The following CRLF1 variants were observed in gnomAD, a reference collection of about 807,000 sequenced individuals.
The protein encoded by CRLF1 is cytokine receptor like factor 1, also known as cytokine receptor-like factor 1.
In CRLF1, 36 loss-of-function variants were observed where a neutral mutation model predicts 48.9. The observed-to-expected ratio is 0.74, with a 90% CI of 0.56 to 0.97. The LOEUF is 0.97. Ranked by LOEUF, CRLF1 falls within the 50% of genes least tolerant of loss-of-function variation. CRLF1 has a pLI of 0.00. For synonymous variants in CRLF1, 256 were observed against 253.4 expected (o/e 1.01, Z -0.10); for missense variants, 534 against 575.1 (o/e 0.93, Z 0.73).
intron 1 of CRLF1, among the ~76,000 whole-genome samples, chr19:18,602,685 A>ATTT (rs1217541820): frequency 1.3e-5 from 2 of 152,128 alleles, no homozygotes; most frequent in Admixed American, 6.5e-5. Context: ...AGGTTGTTTG[A>ATTT]GAGGAGTGAA....
intron 4 of CRLF1, 27 bp from the exon 5 acceptor site, chr19:18,597,076 A>G (rs772447610): frequency 6.2e-7 from 1 of 1,605,284 alleles, no homozygotes; most frequent in Non-Finnish European, 8.5e-7. Flanking sequence ...GGACCCTCTC[A>G]GCCTGGGACT....
At position 18,593,575 on chromosome 19, in the gene CRLF1, A is replaced by G. The variant is rs140937454; in HGVS notation, c.1260T>C (p.Pro420=). 5.3e-4 allele frequency: 853 copies of G among 1,609,424 alleles called. 6 individuals are homozygous for G. Among genetic ancestry groups the G allele is most frequent in the Non-Finnish European group, 7.6e-5 (90 of 1,178,408 alleles). The change falls in exon 9 of 9, where the codon CCT becomes CCC. Residue 420 remains proline (P), a synonymous_variant. Transcript: ENST00000392386. The part of the protein sequence containing the change: ...PSGRRGTARG[P]AR ...CCTGAGCCCCTACAGCTTATCTGGC[A>G]GGACCTGCAGGCAGAGGGGAAGCCA...
intron 6 of CRLF1, 106 bp downstream of exon 6, chr19:18,596,516 A>T: frequency 7.5e-7 from 1 of 1,339,956 alleles, no homozygotes; most frequent in Non-Finnish European, 1.0e-6. Flanking sequence ...CGACAGAATG[A>T]GGCCGTGTCT....
At chr19:18,595,512 G>A (rs983111296) in intron 6 of CRLF1, among the ~76,000 whole-genome samples, 1 of 152,212 alleles carries the variant, frequency 6.6e-6, no homozygotes, top group African/African-American at 2.4e-5. Flanking sequence ...TGACCTCCTA[G>A]AGCCTCAGTG....
At chr19:18,597,169 C>T in intron 4 of CRLF1, 120 bp from the exon 5 acceptor site, 1 of 1,022,802 alleles carries the variant, frequency 9.8e-7, no homozygotes, top group Non-Finnish European at 1.4e-6. Flanking sequence ...CCTCTTCCCT[C>T]TGCCCCCACC....
intron 1 of CRLF1, among the ~76,000 whole-genome samples, chr19:18,605,922 G>C (rs1443973146): frequency 6.6e-6 from 1 of 152,120 alleles, no homozygotes; most frequent in Admixed American, 6.5e-5. Flanking sequence ...CTCTCCGCCC[G>C]ACGCAGCCTG....
Position 18,606,455 on chromosome 19 carries a change from G to T in CRLF1, c.115+87C>A. 2.0e-6 allele frequency: 2 copies of T among 1,006,778 alleles called. No homozygotes were observed. The highest frequency in any genetic ancestry group is 4.6e-4 in the Middle Eastern group (1 of 2,162). 62.4% of individuals were successfully genotyped at this position (1,006,778 alleles called of 1,614,324 possible). A position where few individuals can be genotyped will look rare whatever the true frequency, so the allele number is the denominator to read the frequency against. ...TTTGTTCCCCGGCCGTCCAGGTGGC[G>T]CCCGCGCCCCCTCCCCCCGCGGCTG... On this transcript the variant is annotated intron_variant, in intron 1 of 8. Transcript: ENST00000392386. This position sits in a 1 kb window ranked among gnomAD's most constrained non-coding sequence, Gnocchi z 4.8.
intron 4 of CRLF1, among the ~76,000 whole-genome samples, chr19:18,597,654 G>A (rs960890911): frequency 8.6e-5 from 13 of 151,792 alleles, no homozygotes; most frequent in East Asian, 1.9e-4. Context: ...GGATGGTCTC[G>A]ATCTCCTGAC....
At chr19:18,599,329 C>T (rs1225652585) in intron 2 of CRLF1, among the ~76,000 whole-genome samples, 1 of 152,204 alleles carries the variant, frequency 6.6e-6, no homozygotes, top group Non-Finnish European at 1.5e-5. Context: ...TGGCCTCGAA[C>T]TCCTGGCTTC....
Position 18,598,618 on chromosome 19 carries a change from G to A in CRLF1, c.528-17C>T, listed in dbSNP as rs371725787. 6.2e-7 allele frequency: 1 copy of A among 1,613,950 alleles called. No individual in the cohort carries two copies. Among genetic ancestry groups the A allele is most frequent in the African/African-American group, 1.3e-5 (1 of 75,046 alleles). ...CCATACCACCTGCGGGGATGGGAGG[G>A]CGACAGGACGCATGAGGGTTCCTTG... On this transcript the variant is annotated splice_polypyrimidine_tract_variant and intron_variant, in intron 3 of 8. Coordinates refer to ENST00000392386, the MANE Select transcript of CRLF1 (RefSeq NM_004750.5).
At chr19:18,605,719 G>T (rs1338945431) in intron 1 of CRLF1, among the ~76,000 whole-genome samples, 1 of 152,168 alleles carries the variant, frequency 6.6e-6, no homozygotes, top group Non-Finnish European at 1.5e-5. Context: ...TATCCTTGCG[G>T]GGGTGTTCCT....
At chr19:18,605,951 C>A (rs907416468) in intron 1 of CRLF1, among the ~76,000 whole-genome samples, 1 of 152,148 alleles carries the variant, frequency 6.6e-6, no homozygotes, top group African/African-American at 2.4e-5. Flanking sequence ...CGGTTCTAAG[C>A]GCCGCCGGTG....
intron 1 of CRLF1, among the ~76,000 whole-genome samples, chr19:18,603,725 C>A (rs532950955): frequency 6.6e-6 from 1 of 152,276 alleles, no homozygotes; most frequent in South Asian, 2.1e-4. Context: ...GTTCTTGGGC[C>A]GGCCCTGATG....
At position 18,606,273 on chromosome 19, in the gene CRLF1, T is replaced by TC. The variant is rs1185166488; in HGVS notation, c.115+268dup. On this transcript the variant is annotated intron_variant, in intron 1 of 8. Transcript: ENST00000392386. The surrounding 1 kb of genome is among the most constrained non-coding windows in gnomAD (Gnocchi z 4.8). ...GCATGCAGAGGGTCTCAGGCCGCGA[T>TC]CCCCCCAGCCCCCGGGGGCCTGGCC... 1.3e-5 allele frequency among the ~76,000 whole-genome samples: 2 copies of TC among 151,152 alleles called. No homozygotes were observed. Among genetic ancestry groups the TC allele is most frequent in the South Asian group, 4.2e-4 (2 of 4,810 alleles).
intron 1 of CRLF1, among the ~76,000 whole-genome samples, chr19:18,604,098 G>A (rs1194096547): frequency 1.3e-5 from 2 of 152,216 alleles, no homozygotes; most frequent in African/African-American, 4.8e-5. Context: ...CCCTTCTAGA[G>A]TGGGTCTCAC....
chr19:18,603,808 G>A (rs1358832291), intron 1 of CRLF1, among the ~76,000 whole-genome samples: 1 of 151,760 alleles, frequency 6.6e-6, no homozygotes, highest in Non-Finnish European at 1.5e-5. Context: ...CTTGGGGCTT[G>A]GCCCAGGGCT....
In CRLF1 at chr19:18,594,426, C is replaced by A; in HGVS notation, c.1033G>T (p.Gly345Cys). The change falls in exon 7 of 9, where the codon GGC becomes TGC. Residue 345 changes from glycine to cysteine, a missense_variant. By Grantham distance (159) the Gly-to-Cys change is radical. This residue lies in a region of CRLF1 where 528 missense variants were observed against 555.7 expected (regional missense o/e 0.95). Transcript: ENST00000392386. ...GGTTCGCACGCCCCGCCGCCCGGGC[C>A]CGGGCGCTCTGGTGGTGGGCGGAGC... ...AASTPRSERPGPGGGACEPRG... is the reference protein window; with the variant it reads ...AASTPRSERPCPGGGACEPRG... 1 of 1,491,090 alleles carries A rather than the reference C, an allele frequency of 6.7e-7. No individual in the cohort carries two copies. The highest frequency in any genetic ancestry group is 1.4e-5 in the African/African-American group (1 of 70,262). The allele number at this position is 1,491,090 out of a possible 1,614,324, so 92.4% of individuals were successfully genotyped here. A position where few individuals can be genotyped will look rare whatever the true frequency, so the allele number is the denominator to read the frequency against.
intron 1 of CRLF1, among the ~76,000 whole-genome samples, chr19:18,602,759 C>T (rs1976236181): frequency 6.6e-6 from 1 of 151,818 alleles, no homozygotes; most frequent in South Asian, 2.1e-4. Context: ...GACTCGAATG[C>T]CCCCAGCCTG....
chr19:18,606,388 G>A lies in CRLF1; in HGVS notation c.115+154C>T, dbSNP rs1460655029. On this transcript the variant is annotated intron_variant, in intron 1 of 8. Transcript: ENST00000392386. The surrounding 1 kb of genome is among the most constrained non-coding windows in gnomAD (Gnocchi z 4.8). Reference sequence around the variant, plus strand: ...AGTGGACTGCGGCGCCGTGTGCCCCGCAGGTGAGGGCGCCCCGAGGGCTGC... The same window carrying A: ...AGTGGACTGCGGCGCCGTGTGCCCCACAGGTGAGGGCGCCCCGAGGGCTGC... Among the ~76,000 whole-genome samples, 1 of 149,462 alleles carries A rather than the reference G, an allele frequency of 6.7e-6. No homozygotes were observed. Among genetic ancestry groups the A allele is most frequent in the Admixed American group, 6.6e-5 (1 of 15,042 alleles).
Sources: allele counts gnomAD v4.1 joint callset (sites outside exome capture counted in the v4.1 genomes callset), GRCh38; gene constraint gnomAD v4.1.1; regional missense constraint gnomAD v4.1.1; non-coding constraint Gnocchi (gnomAD v3.1); transcripts MANE v1.5; gene names NCBI Gene and HGNC (gene_info 2026-07-23, HGNC 2026-07-21).